PLOD3: variants seen among roughly 807,000 people sequenced by gnomAD.
PLOD3 encodes the protein procollagen-lysine,2-oxoglutarate 5-dioxygenase 3.
In PLOD3, 73 loss-of-function variants were observed where a neutral mutation model predicts 96.9. The ratio of observed to expected loss-of-function variants is 0.75; its 90% CI spans 0.62 to 0.92. The LOEUF (loss-of-function observed/expected upper bound fraction) is 0.92, where lower values mean the gene tolerates loss of function less well. PLOD3 is among the 40% of genes least tolerant of loss of function. PLOD3 has a pLI of 0.00. For synonymous variants in PLOD3, 454 were observed against 413.7 expected (o/e 1.10, Z -1.18); for missense variants, 1,004 against 1,004.3 (o/e 1.00, Z 0.00).
In PLOD3 at chr7:101,212,384, G is replaced by A; in HGVS notation, c.1006-10C>T. ...GTTCATGGAAGACCTCCTGGGAGGG[G>A]AAGACATAGGGGGATGGGCTCAGAG... On this transcript the variant is annotated splice_polypyrimidine_tract_variant and intron_variant, in intron 9 of 18. Coordinates refer to ENST00000223127, the MANE Select transcript of PLOD3 (RefSeq NM_001084.5). The A allele has an allele frequency of 6.2e-7, 1 of 1,613,188 alleles. No individual in the cohort carries two copies.
At chr7:101,209,972 T>C (rs1584251624) in intron 15 of PLOD3, 121 bp downstream of exon 15, 6 of 620,844 alleles carry the variant, frequency 9.7e-6, no homozygotes, top group Middle Eastern at 6.0e-4. Flanking sequence ...TCATCTTGTC[T>C]GAACAGAAAA....
rs775541177 is a variant in PLOD3, at chr7:101,208,967, G to C, written c.1684-10C>G. 6.3e-7 allele frequency: 1 copy of C among 1,593,538 alleles called. No homozygotes were observed. The highest frequency in any genetic ancestry group is 2.2e-5 in the East Asian group (1 of 44,758). ...ACACGTCCGGGCATGGCTGAGGATG[G>C]GGCGAGGGAGAACAGGGCTAGCTGA... On this transcript the variant is annotated splice_polypyrimidine_tract_variant and intron_variant, in intron 15 of 18. Coordinates refer to ENST00000223127, the MANE Select transcript of PLOD3 (RefSeq NM_001084.5).
At chr7:101,213,297 G>A in intron 6 of PLOD3, 93 bp from the exon 7 acceptor site, 3 of 824,768 alleles carry the variant, frequency 3.6e-6, no homozygotes, top group Non-Finnish European at 6.2e-6. Context: ...AATTCTCCAG[G>A]GAATAAAGGG....
chr7:101,215,707 G>T (rs1385452740), intron 5 of PLOD3, among the ~76,000 whole-genome samples: 1 of 151,984 alleles, frequency 6.6e-6, no homozygotes, highest in Non-Finnish European at 1.5e-5. Context: ...CAACTATGTT[G>T]TCCAGGCTGG....
chr7:101,211,206 G>C (rs1798175788), intron 12 of PLOD3: 2 of 219,494 alleles, frequency 9.1e-6, no homozygotes, highest in Non-Finnish European at 1.8e-5. Flanking sequence ...CTTGAGAAAG[G>C]GTCTCCCTCT....
Position 101,213,062 on chromosome 7 carries a change from G to A in PLOD3, c.777+45C>T, listed in dbSNP as rs760955231. On this transcript the variant is annotated intron_variant, in intron 7 of 18. Transcript: ENST00000223127. The stretch of plus-strand genomic sequence containing the variant: ...TTCTCAGAAGGGTTGGAGGTGCCTG[G>A]GGGTTGGGGCAGGGCGGGGCGGGGG... 1.0e-5 allele frequency: 15 copies of A among 1,448,244 alleles called. 1 individual carries two copies. In the South Asian group the frequency reaches 1.6e-4, roughly 16 times the overall value. 89.7% of individuals were successfully genotyped at this position (1,448,244 alleles called of 1,614,324 possible).
intron 10 of PLOD3, 35 bp from the exon 11 acceptor site, chr7:101,211,985 T>G (rs771255257): frequency 6.9e-7 from 1 of 1,451,248 alleles, no homozygotes; most frequent in South Asian, 1.2e-5. Flanking sequence ...CGGCGGCAGG[T>G]GGGGAGGCGG....
chr7:101,210,652 G>A lies in PLOD3; in HGVS notation c.1380C>T (p.Tyr460=), dbSNP rs756035426. ...CCCGGATCACATAGGCCTGGGAGAT[G>A]TATGGTACATTCCACACACCCCTGG... ...RKRVGVWNVP[Y]ISQAYVIRGD... is the part of the protein sequence containing the mutation. Residue 460 remains tyrosine, a synonymous_variant, in exon 13 of 19, where the codon TAC becomes TAT. Transcript: ENST00000223127. 10 of 1,613,996 alleles carry A rather than the reference G, an allele frequency of 6.2e-6. No individual in the cohort carries two copies. The African/African-American group carries it at 1.1e-4, about 17-fold the overall frequency.
At chr7:101,206,953 G>A (rs1258850034) in intron 17 of PLOD3, 49 bp from the exon 18 acceptor site, 2 of 1,542,770 alleles carry the variant, frequency 1.3e-6, no homozygotes, top group Admixed American at 4.0e-5. Flanking sequence ...GGGCGCAGGG[G>A]GTCTTTTATT....
chr7:101,208,367 G>A (rs959015951), intron 16 of PLOD3, among the ~76,000 whole-genome samples: 2 of 151,806 alleles, frequency 1.3e-5, no homozygotes, highest in Non-Finnish European at 2.9e-5. Context: ...CTCAGCTCCC[G>A]AGTAGCTGGG....
At chr7:101,210,738 G>A (rs866021803) in intron 12 of PLOD3, 65 bp from the exon 13 acceptor site, 47 of 1,589,632 alleles carry the variant, frequency 3.0e-5, no homozygotes, top group South Asian at 1.0e-4. Context: ...AGCTCATCCC[G>A]GGAAGTCCTT....
intron 15 of PLOD3, 185 bp downstream of exon 15, chr7:101,209,908 G>A (rs565028800): frequency 3.4e-6 from 2 of 585,696 alleles, no homozygotes; most frequent in South Asian, 2.2e-5. Flanking sequence ...AGAAGAGGCT[G>A]TCTGATCAAT....
rs1285710505 is a variant in PLOD3 at position 101,210,346 on chromosome 7, G to A, written c.1599C>T (p.Ile533=). 1.9e-6 allele frequency: 3 copies of A among 1,613,896 alleles called. No homozygotes were observed. The Admixed American group carries it at 5.0e-5, about 27-fold the overall frequency. The change falls in exon 14 of 19, where the codon ATC becomes ATT. Residue 533 remains isoleucine, a synonymous_variant. Coordinates refer to ENST00000223127, the MANE Select transcript of PLOD3 (RefSeq NM_001084.5). The part of the protein sequence containing the change: ...TEHLHPDLWQ[I]FDNPVDWKEQ... ...CCCCACTCACGACGGGGTTGTCGAA[G>A]ATCTGCCAGAGGTCGGGGTGCAGGT...
Position 101,211,889 on chromosome 7 carries a change from G to A in PLOD3, c.1189C>T (p.Leu397Phe). Reference sequence around the variant, plus strand: ...ATACGCAGGGTCTGCAGGTTGGTGAGGACAGCGTCGGCGTCCAGGCTGAAG... The same window carrying A: ...ATACGCAGGGTCTGCAGGTTGGTGAAGACAGCGTCGGCGTCCAGGCTGAAG... ...FYFSLDADAVLTNLQTLRILI... is the reference protein window; with the variant it reads ...FYFSLDADAVFTNLQTLRILI... Residue 397 changes from leucine (L) to phenylalanine (F), a missense_variant, in exon 11 of 19, where the codon CTC becomes TTC. By Grantham distance (22) the Leu-to-Phe change is conservative. Around this residue, in one of 5 missense-constraint regions of PLOD3, gnomAD observed 690 missense variants for 650.2 expected, o/e 1.06. Coordinates refer to ENST00000223127, the MANE Select transcript of PLOD3 (RefSeq NM_001084.5). The A allele has an allele frequency of 1.2e-6, 2 of 1,612,756 alleles. No homozygotes were observed. The highest frequency in any genetic ancestry group is 4.5e-5 in the East Asian group (2 of 44,840).
rs1798109498 is a variant in PLOD3 at position 101,207,606 on chromosome 7, T to C, written c.1907A>G (p.Glu636Gly). ...GGTGTGGTAACCGGGAAACAGGCTC[T>C]CGGTCATGGGGCCCACATACGTCCG... ...LLRTYVGPMT[E>G]SLFPGYHTKA... Residue 636 changes from glutamate (E) to glycine (G), a missense_variant, in exon 17 of 19, where the codon GAG becomes GGG. This residue lies in a region of PLOD3 where 222 missense variants were observed against 220.4 expected (regional missense o/e 1.01). Coordinates refer to ENST00000223127, the MANE Select transcript of PLOD3 (RefSeq NM_001084.5). 4 of 1,613,870 alleles carry C rather than the reference T, an allele frequency of 2.5e-6. No individual in the cohort carries two copies. Among genetic ancestry groups the C allele is most frequent in the South Asian group, 1.1e-5 (1 of 91,084 alleles).
intron 6 of PLOD3, among the ~76,000 whole-genome samples, chr7:101,214,738 G>A (rs1259631706): frequency 6.6e-6 from 1 of 152,162 alleles, no homozygotes; most frequent in East Asian, 1.9e-4. Context: ...TCGGGAGGCT[G>A]AGGCAGAAGA....
intron 15 of PLOD3, among the ~76,000 whole-genome samples, chr7:101,209,603 G>GCTGGTCTCGAACTCCTGAC (rs1798148879): frequency 2.0e-5 from 3 of 149,462 alleles, no homozygotes; most frequent in African/African-American, 7.4e-5. Flanking sequence ...TGTTGGCCAG[G>GCTGGTCTCGAACTCCTGAC]CTGGTCTCGA....
At position 101,215,953 on chromosome 7, in the gene PLOD3, G is replaced by A. The variant is rs35159414; in HGVS notation, c.570C>T (p.Asp190=). The change falls in exon 5 of 19, where the codon GAC becomes GAT. Residue 190 remains aspartate, a synonymous_variant. Transcript: ENST00000223127. The part of the protein sequence containing the change: ...VRQWKYKDDD[D]DQLFYTRLYL... ...AGAGCCGTGTGTAGAACAGCTGGTC[G>A]TCGTCATCATCCTTGTACTTCCACT... 57,547 of 1,613,204 alleles carry A rather than the reference G, an allele frequency of 0.036. 1,142 individuals are homozygous for A. Among genetic ancestry groups the A allele is most frequent in the Non-Finnish European group, 0.043 (50,737 of 1,179,606 alleles).
chr7:101,213,277 T>A, intron 6 of PLOD3, 73 bp from the exon 7 acceptor site: 1 of 984,390 alleles, frequency 1.0e-6, no homozygotes, highest in Admixed American at 1.9e-5. Flanking sequence ...CTTCTAAATA[T>A]GGGGTCCCAA....
Sources: allele counts gnomAD v4.1 joint callset (sites outside exome capture counted in the v4.1 genomes callset), GRCh38; gene constraint gnomAD v4.1.1; regional missense constraint gnomAD v4.1.1; transcripts MANE v1.5; gene names NCBI Gene and HGNC (gene_info 2026-07-23, HGNC 2026-07-21).